The following RALGAPA2 variants were observed in gnomAD, a reference collection of about 807,000 sequenced individuals.
The protein encoded by RALGAPA2 is ral GTPase-activating protein subunit alpha-2.
RALGAPA2 carries 139 observed loss-of-function variants against 230.4 expected under a neutral mutation model. That is an observed-to-expected ratio of 0.60 (90% CI 0.53 to 0.69). The LOEUF (loss-of-function observed/expected upper bound fraction) is 0.69, where lower values mean the gene tolerates loss of function less well. Among genes scored for constraint, RALGAPA2 ranks in the 30% least tolerant of loss-of-function variants. The pLI is 0.00. For missense variants in RALGAPA2, 2,163 were observed against 2,276.0 expected (o/e 0.95, Z 1.01); for synonymous variants, 847 against 837.8 (o/e 1.01, Z -0.19).
intron 26 of RALGAPA2, among the ~76,000 whole-genome samples, chr20:20,534,260 C>T (rs939832294): frequency 2.0e-5 from 3 of 151,890 alleles, no homozygotes; most frequent in Non-Finnish European, 4.4e-5. Context: ...CTGGCTAACA[C>T]GGTGAAATCC....
At chr20:20,683,558 G>T (rs955313799) in intron 1 of RALGAPA2, among the ~76,000 whole-genome samples, 5 of 152,152 alleles carry the variant, frequency 3.3e-5, no homozygotes, top group Non-Finnish European at 5.9e-5. Flanking sequence ...GCCCCTGCAG[G>T]ATGCTACCCC....
intron 36 of RALGAPA2, among the ~76,000 whole-genome samples, chr20:20,490,860 G>A (rs1262517367): frequency 1.5e-5 from 1 of 66,862 alleles, no homozygotes; most frequent in Non-Finnish European, 3.1e-5. Context: ...GAACACACAT[G>A]AACACACACA....
chr20:20,653,445 C>T, intron 4 of RALGAPA2, 85 bp downstream of exon 4: 1 of 782,092 alleles, frequency 1.3e-6, no homozygotes, highest in East Asian at 2.7e-5. Flanking sequence ...TATAAGCTAT[C>T]TTGATGATAT....
intron 38 of RALGAPA2, among the ~76,000 whole-genome samples, chr20:20,405,063 G>C (rs1602272215): frequency 6.6e-6 from 1 of 152,162 alleles, no homozygotes; most frequent in East Asian, 1.9e-4. Flanking sequence ...GGGCCTTCCA[G>C]TTCTCAGACA....
At chr20:20,592,895 T>C (rs1158211530) in intron 16 of RALGAPA2, among the ~76,000 whole-genome samples, 1 of 152,208 alleles carries the variant, frequency 6.6e-6, no homozygotes, top group Non-Finnish European at 1.5e-5. Flanking sequence ...CTCAAAACTA[T>C]GAAATTTGTG....
intron 2 of RALGAPA2, among the ~76,000 whole-genome samples, chr20:20,677,628 CATTTTTTTTTTTTTTTTTT>C (rs1386812814): frequency 4.9e-5 from 6 of 121,840 alleles, no homozygotes; most frequent in African/African-American, 2.0e-4. Flanking sequence ...TGATTTGACC[CATTTTTTTTTTTTTTTTTT>C]TTTTTTTTTT....
At chr20:20,692,552 C>G (rs893437642) in intron 1 of RALGAPA2, among the ~76,000 whole-genome samples, 1 of 152,168 alleles carries the variant, frequency 6.6e-6, no homozygotes, top group Non-Finnish European at 1.5e-5. Context: ...AGAGGGAGGA[C>G]CTGATACTGC....
intron 10 of RALGAPA2, among the ~76,000 whole-genome samples, chr20:20,628,507 T>C (rs2066563481): frequency 6.6e-6 from 1 of 152,162 alleles, no homozygotes; most frequent in Non-Finnish European, 1.5e-5. Context: ...GTGGGAGCTC[T>C]GTTTGCTGTG....
intron 27 of RALGAPA2, among the ~76,000 whole-genome samples, chr20:20,526,987 G>A (rs764178342): frequency 3.3e-5 from 5 of 152,146 alleles, no homozygotes; most frequent in Non-Finnish European, 7.4e-5. Flanking sequence ...ACAAGGGCTG[G>A]ATGCTTCCAT....
chr20:20,555,484 G>T (rs967459661), intron 23 of RALGAPA2, among the ~76,000 whole-genome samples: 20 of 152,194 alleles, frequency 1.3e-4, no homozygotes, highest in Admixed American at 1.3e-3. Flanking sequence ...GATAGGGATT[G>T]TATGGAATCT....
rs1183907945 is a variant in RALGAPA2 at position 20,673,182 on chromosome 20, C to T, written c.270+3054G>A. Among the ~76,000 whole-genome samples, 7 of 147,560 alleles carry T rather than the reference C, an allele frequency of 4.7e-5. No individual in the cohort carries two copies. The East Asian group carries it at 1.4e-3, about 29-fold the overall frequency. Reference sequence around the variant, plus strand: ...CCTGGGCGACAGAGAAAGACTCCATCTTTAAAAAAATAAAAAATAAAAATA... The same window carrying T: ...CCTGGGCGACAGAGAAAGACTCCATTTTTAAAAAAATAAAAAATAAAAATA... On this transcript the variant is annotated intron_variant, in intron 3 of 39. Coordinates refer to ENST00000202677, the MANE Select transcript of RALGAPA2 (RefSeq NM_020343.4).
At chr20:20,454,544 A>C (rs886664880) in intron 37 of RALGAPA2, among the ~76,000 whole-genome samples, 1 of 152,240 alleles carries the variant, frequency 6.6e-6, no homozygotes, top group African/African-American at 2.4e-5. Context: ...AGATAAAATC[A>C]AGATAACTAG....
chr20:20,594,953 C>T (rs570895661), intron 16 of RALGAPA2, among the ~76,000 whole-genome samples: 28 of 152,182 alleles, frequency 1.8e-4, no homozygotes, highest in Non-Finnish European at 3.8e-4. Context: ...ATCTCCTGAC[C>T]TCATGATCCA....
At chr20:20,694,416 G>A (rs979476180) in intron 1 of RALGAPA2, among the ~76,000 whole-genome samples, 2 of 152,186 alleles carry the variant, frequency 1.3e-5, no homozygotes, top group African/African-American at 4.8e-5. Flanking sequence ...CTTTCCCCAA[G>A]GAACCCTCTT....
chr20:20,423,460 T>C (rs1427044990), intron 37 of RALGAPA2, among the ~76,000 whole-genome samples: 1 of 152,180 alleles, frequency 6.6e-6, no homozygotes, highest in Non-Finnish European at 1.5e-5. Context: ...TCCCAGATCC[T>C]AGGGAGAAGC....
At chr20:20,630,954 T>C (rs1039469313) in intron 9 of RALGAPA2, among the ~76,000 whole-genome samples, 2 of 152,174 alleles carry the variant, frequency 1.3e-5, no homozygotes, top group East Asian at 3.9e-4. Flanking sequence ...GATAGCAAAT[T>C]AAAGATGACC....
chr20:20,628,556 T>TGA (rs1451253994), intron 10 of RALGAPA2, among the ~76,000 whole-genome samples: 1 of 151,804 alleles, frequency 6.6e-6, no homozygotes. Flanking sequence ...GCAGCACTAC[T>TGA]GACACATTGA....
chr20:20,524,250 C>T (rs2063131340), intron 30 of RALGAPA2, among the ~76,000 whole-genome samples, 156 bp downstream of exon 30: 1 of 152,152 alleles, frequency 6.6e-6, no homozygotes, highest in Non-Finnish European at 1.5e-5. Context: ...GCTACCGTGC[C>T]CAGCCAAGTT....
intron 37 of RALGAPA2, among the ~76,000 whole-genome samples, chr20:20,464,758 G>C (rs1006978928): frequency 9.9e-5 from 15 of 152,112 alleles, no homozygotes; most frequent in African/African-American, 3.6e-4. Context: ...GATAATGTTA[G>C]AATGATTATT....
Sources: allele counts gnomAD v4.1 joint callset (sites outside exome capture counted in the v4.1 genomes callset), GRCh38; gene constraint gnomAD v4.1.1; transcripts MANE v1.5; gene names NCBI Gene and HGNC (gene_info 2026-07-23, HGNC 2026-07-21).